Variants in CHRM3 observed in about 807,000 individuals in gnomAD.
CHRM3 encodes muscarinic acetylcholine receptor M3.
Under a neutral mutation model 41.8 loss-of-function variants are expected in CHRM3, and 11 were observed. The ratio of observed to expected loss-of-function variants is 0.26; its 90% CI spans 0.17 to 0.44. The LOEUF is 0.44. CHRM3 is among the 20% of genes least tolerant of loss of function. The probability of loss-of-function intolerance (pLI) is 1.00; values close to 1 mark genes in which losing one functional copy is unlikely to be tolerated. For synonymous variants in CHRM3, 297 were observed against 301.4 expected, an observed-to-expected ratio of 0.99 and a Z score of 0.15; for missense variants, 571 against 745.4, an observed-to-expected ratio of 0.77 and a Z score of 2.72.
chr1:239,870,093 C>T (rs1366889220), intron 6 of CHRM3, among the ~76,000 whole-genome samples: 1 of 152,170 alleles, frequency 6.6e-6, no homozygotes, highest in African/African-American at 2.4e-5. Context: ...AAGGTTAAGG[C>T]ACATTCTTTG....
chr1:239,813,955 T>A (rs1228916707), intron 5 of CHRM3, among the ~76,000 whole-genome samples: 3 of 150,016 alleles, frequency 2.0e-5, no homozygotes, highest in African/African-American at 7.5e-5. Context: ...TAGACTGCCT[T>A]CCTATTGATG....
At chr1:239,847,581 C>G (rs1403835669) in intron 6 of CHRM3, among the ~76,000 whole-genome samples, 2 of 152,088 alleles carry the variant, frequency 1.3e-5, no homozygotes, top group African/African-American at 4.8e-5. Flanking sequence ...AAAATAACCA[C>G]CAGGTGCAGA....
chr1:239,668,152 G>A (rs1674014995), intron 4 of CHRM3, among the ~76,000 whole-genome samples: 1 of 125,806 alleles, frequency 7.9e-6, no homozygotes, highest in African/African-American at 3.1e-5. Context: ...AGGCTGGAGT[G>A]CAGTGGCGTG....
intron 1 of CHRM3, among the ~76,000 whole-genome samples, chr1:239,391,387 T>C (rs1003260811): frequency 2.0e-5 from 3 of 152,168 alleles, no homozygotes; most frequent in African/African-American, 7.2e-5. Flanking sequence ...CAGTACACCA[T>C]GATGGACAGC....
chr1:239,860,133 G>GAT (rs1491004364), intron 6 of CHRM3, among the ~76,000 whole-genome samples: 2 of 152,098 alleles, frequency 1.3e-5, no homozygotes, highest in African/African-American at 4.8e-5. Flanking sequence ...GAATTTCTCA[G>GAT]GGAGTTGGAG....
chr1:239,826,257 C>T (rs1250804589), intron 5 of CHRM3, among the ~76,000 whole-genome samples: 3 of 152,124 alleles, frequency 2.0e-5, no homozygotes, highest in East Asian at 3.8e-4. Context: ...CTCATCCCCA[C>T]CACCCTCGCT....
chr1:239,503,825 C>A lies in CHRM3; in HGVS notation c.-422+11018C>A, dbSNP rs555499568. On this transcript the variant is annotated intron_variant, in intron 2 of 6. Coordinates refer to ENST00000676153, the MANE Select transcript of CHRM3 (RefSeq NM_001375978.1). ...AAACTTAAATTGGGGGAAAGGACAC[C>A]CTTTTCAACAAATGCTGCTGGGATA... Among the ~76,000 whole-genome samples the A allele has an allele frequency of 2.0e-5, 3 of 152,176 alleles. No individual in the cohort carries two copies. In the South Asian group the frequency reaches 6.2e-4, roughly 32 times the overall value.
In CHRM3 at chr1:239,418,568, T is replaced by G. The variant is rs192679302; in HGVS notation, c.-521+31341T>G. On this transcript the variant is annotated intron_variant, in intron 1 of 6. Coordinates refer to ENST00000676153, the MANE Select transcript of CHRM3 (RefSeq NM_001375978.1). ...TTTAAGTCTATCAATATTCATGTTT[T>G]GGGGAGAAATTTTTTTAATAGTTTT... Among the ~76,000 whole-genome samples the G allele has an allele frequency of 3.7e-4, 57 of 152,342 alleles. 1 individual carries two copies. Among genetic ancestry groups the G allele is most frequent in the African/African-American group, 1.3e-3 (56 of 41,580 alleles).
chr1:239,553,025 T>G (rs924562447), intron 3 of CHRM3, among the ~76,000 whole-genome samples: 1 of 152,104 alleles, frequency 6.6e-6, no homozygotes, highest in Admixed American at 6.5e-5. Flanking sequence ...AGCCACGTTG[T>G]CTCTCAATCG....
intron 1 of CHRM3, among the ~76,000 whole-genome samples, chr1:239,419,707 A>G (rs1468316513): frequency 6.6e-6 from 1 of 152,230 alleles, no homozygotes; most frequent in East Asian, 1.9e-4. Flanking sequence ...AATGCCCACA[A>G]GTACCTGTCA....
At chr1:239,634,239 T>TAC (rs1364061950) in intron 4 of CHRM3, among the ~76,000 whole-genome samples, 1 of 152,148 alleles carries the variant, frequency 6.6e-6, no homozygotes, top group Non-Finnish European at 1.5e-5. Flanking sequence ...ACCCTTTGAA[T>TAC]ACAATACTCT....
intron 1 of CHRM3, among the ~76,000 whole-genome samples, chr1:239,425,566 G>C (rs568514463): frequency 1.6e-4 from 24 of 152,236 alleles, no homozygotes; most frequent in Non-Finnish European, 3.1e-4. Flanking sequence ...TTCATCTGTA[G>C]GTGTTAAATC....
intron 3 of CHRM3, among the ~76,000 whole-genome samples, chr1:239,564,054 A>G (rs1661128108): frequency 6.6e-6 from 1 of 152,200 alleles, no homozygotes; most frequent in South Asian, 2.1e-4. Flanking sequence ...TTAATGAGAC[A>G]ATGTGTGTAT....
intron 5 of CHRM3, among the ~76,000 whole-genome samples, chr1:239,805,213 T>A (rs1380946997): frequency 6.6e-6 from 1 of 152,212 alleles, no homozygotes; most frequent in Non-Finnish European, 1.5e-5. Flanking sequence ...TCAGTGAGGT[T>A]CATTCAGACC....
intron 5 of CHRM3, among the ~76,000 whole-genome samples, chr1:239,688,204 T>C (rs1388590797): frequency 3.4e-5 from 5 of 149,188 alleles, no homozygotes; most frequent in Admixed American, 6.8e-5. Flanking sequence ...TACACATGTA[T>C]TATATATAAA....
intron 5 of CHRM3, among the ~76,000 whole-genome samples, chr1:239,779,944 C>T (rs1668389410): frequency 6.6e-6 from 1 of 152,132 alleles, no homozygotes; most frequent in Admixed American, 6.5e-5. Context: ...AAAGTGCCTT[C>T]ATGTCAGTTC....
chr1:239,802,588 T>C (rs1670305238), intron 5 of CHRM3, among the ~76,000 whole-genome samples: 1 of 152,022 alleles, frequency 6.6e-6, no homozygotes, highest in Non-Finnish European at 1.5e-5. Context: ...ATAGCAGGTG[T>C]AGTTATTTAG....
chr1:239,530,511 T>C (rs1165793710), intron 2 of CHRM3, among the ~76,000 whole-genome samples: 2 of 152,144 alleles, frequency 1.3e-5, no homozygotes, highest in Non-Finnish European at 1.5e-5. Context: ...AAGCATTCAA[T>C]AGAAACTGTC....
At chr1:239,803,294 C>T (rs1342525121) in intron 5 of CHRM3, among the ~76,000 whole-genome samples, 2 of 152,104 alleles carry the variant, frequency 1.3e-5, no homozygotes, top group South Asian at 2.1e-4. Flanking sequence ...GCAATACATT[C>T]GGAGACCACT....
Sources: allele counts gnomAD v4.1 joint callset (sites outside exome capture counted in the v4.1 genomes callset), GRCh38; gene constraint gnomAD v4.1.1; transcripts MANE v1.5; gene names NCBI Gene and HGNC (gene_info 2026-07-23, HGNC 2026-07-21).